PTPRD: variants seen among roughly 807,000 people sequenced by gnomAD.
The protein encoded by PTPRD is protein tyrosine phosphatase receptor type D.
PTPRD carries 34 observed loss-of-function variants against 214.5 expected under a neutral mutation model. That is an observed-to-expected ratio of 0.16 (90% CI 0.12 to 0.21). The LOEUF is 0.21. PTPRD is among the 10% of genes least tolerant of loss of function. PTPRD has a pLI of 1.00. For missense variants in PTPRD, 2,545 were observed against 2,398.7 expected (o/e 1.06, Z -1.27); for synonymous variants, 1,128 against 845.7 (o/e 1.33, Z -5.79).
intron 2 of PTPRD, among the ~76,000 whole-genome samples, chr9:10,460,298 C>T (rs73390371): frequency 0.022 from 3,335 of 151,968 alleles, 103 homozygotes; most frequent in African/African-American, 0.068. Context: ...AAAATGTTAA[C>T]ACTACATAAA....
rs534154105 is a variant in PTPRD at position 9,668,596 on chromosome 9, T to C, written c.-287+65937A>G. On this transcript the variant is annotated intron_variant, in intron 7 of 45. Coordinates refer to ENST00000381196, the MANE Select transcript of PTPRD (RefSeq NM_002839.4). ...AACTTCTTTGCTCATAATAGATTTGTTCATTCAGCATAAAGAGAAATTCAG... is the reference window on the plus strand; with the variant it reads ...AACTTCTTTGCTCATAATAGATTTGCTCATTCAGCATAAAGAGAAATTCAG... 2.7e-3 allele frequency among the ~76,000 whole-genome samples: 409 copies of C among 152,340 alleles called. 2 individuals are homozygous for C. The highest frequency in any genetic ancestry group is 8.8e-3 in the African/African-American group (365 of 41,588).
intron 5 of PTPRD, among the ~76,000 whole-genome samples, chr9:9,830,904 G>A (rs1241296352): frequency 1.3e-5 from 2 of 151,594 alleles, no homozygotes; most frequent in African/African-American, 4.8e-5. Flanking sequence ...AATCAAAATT[G>A]TCCAACGTAA....
chr9:9,089,655 G>C (rs896534767), intron 10 of PTPRD, among the ~76,000 whole-genome samples: 1 of 152,030 alleles, frequency 6.6e-6, no homozygotes, highest in African/African-American at 2.4e-5. Context: ...TGCCTATTTA[G>C]GTTCTCCTCT....
chr9:9,070,282 C>A (rs545269600), intron 10 of PTPRD, among the ~76,000 whole-genome samples: 4 of 152,158 alleles, frequency 2.6e-5, no homozygotes, highest in African/African-American at 7.2e-5. Context: ...TTTCACAAAG[C>A]CAGTTTTACA....
chr9:10,001,397 C>T (rs1012859853), intron 4 of PTPRD, among the ~76,000 whole-genome samples: 4 of 152,100 alleles, frequency 2.6e-5, no homozygotes, highest in Non-Finnish European at 5.9e-5. Context: ...AGAAGACAAT[C>T]TGTATATCCA....
chr9:9,604,119 G>C (rs1488857046), intron 7 of PTPRD, among the ~76,000 whole-genome samples: 1 of 151,782 alleles, frequency 6.6e-6, no homozygotes, highest in Admixed American at 6.6e-5. Context: ...TAACAGCTAA[G>C]TTTTGGAGAG....
At chr9:9,971,815 T>C (rs900575509) in intron 4 of PTPRD, among the ~76,000 whole-genome samples, 1 of 152,120 alleles carries the variant, frequency 6.6e-6, no homozygotes, top group South Asian at 2.1e-4. Flanking sequence ...TGTACTTAAA[T>C]TTTAAACTGT....
intron 7 of PTPRD, among the ~76,000 whole-genome samples, chr9:9,660,751 TGC>T (rs770635185): frequency 1.3e-5 from 2 of 152,014 alleles, no homozygotes; most frequent in Non-Finnish European, 2.9e-5. Context: ...TGATTTCCTT[TGC>T]CTTTATTCCA....
chr9:9,616,819 T>G (rs1368722227), intron 7 of PTPRD, among the ~76,000 whole-genome samples: 1 of 152,194 alleles, frequency 6.6e-6, no homozygotes, highest in African/African-American at 2.4e-5. Context: ...CACTATAATT[T>G]TTTTAAAATT....
intron 9 of PTPRD, among the ~76,000 whole-genome samples, chr9:9,394,463 T>C (rs1019216970): frequency 3.3e-5 from 5 of 152,190 alleles, no homozygotes; most frequent in Non-Finnish European, 7.3e-5. Flanking sequence ...ATGTATTGTG[T>C]AGCCAGAATA....
At chr9:8,458,595 T>G (rs371770274) in intron 33 of PTPRD, among the ~76,000 whole-genome samples, 59 of 152,250 alleles carry the variant, frequency 3.9e-4, no homozygotes, top group East Asian at 2.9e-3. Flanking sequence ...TATTATTGAA[T>G]TCTCTTCTGG....
chr9:10,419,318 GCA>G (rs1172728631), intron 2 of PTPRD, among the ~76,000 whole-genome samples: 13 of 151,794 alleles, frequency 8.6e-5, no homozygotes, highest in African/African-American at 3.1e-4. Flanking sequence ...TTTGTTTCTA[GCA>G]CACTGGTCGC....
chr9:8,940,078 AG>A (rs2099021828), intron 11 of PTPRD, among the ~76,000 whole-genome samples: 1 of 147,138 alleles, frequency 6.8e-6, no homozygotes, highest in Non-Finnish European at 1.5e-5. Context: ...AAAAAAAAAA[AG>A]AAGACTTACA....
At chr9:9,479,966 G>A (rs899463805) in intron 8 of PTPRD, among the ~76,000 whole-genome samples, 2 of 152,116 alleles carry the variant, frequency 1.3e-5, no homozygotes, top group Non-Finnish European at 2.9e-5. Flanking sequence ...AGACTGTCAT[G>A]CCATGGACTG....
intron 4 of PTPRD, among the ~76,000 whole-genome samples, chr9:10,016,363 A>AGAT (rs2096713356): frequency 1.0e-5 from 1 of 96,496 alleles, no homozygotes. Context: ...AAGATTAGAT[A>AGAT]GATAGATAGA....
intron 7 of PTPRD, among the ~76,000 whole-genome samples, chr9:9,689,992 A>G (rs2097238856): frequency 2.0e-5 from 3 of 151,720 alleles, no homozygotes; most frequent in Admixed American, 2.0e-4. Context: ...TTTCTTTTGG[A>G]TGTATATCCA....
At chr9:10,333,369 A>G (rs997941594) in intron 3 of PTPRD, among the ~76,000 whole-genome samples, 5 of 151,764 alleles carry the variant, frequency 3.3e-5, no homozygotes, top group African/African-American at 1.2e-4. Flanking sequence ...GAAGACATCA[A>G]AGTAGCTGTA....
intron 12 of PTPRD, among the ~76,000 whole-genome samples, chr9:8,673,027 C>G (rs2097319645): frequency 6.6e-6 from 1 of 151,970 alleles, no homozygotes; most frequent in Non-Finnish European, 1.5e-5. Context: ...GCTTATCAAA[C>G]CTGCAAAACT....
chr9:9,060,574 T>C (rs1386210394), intron 10 of PTPRD, among the ~76,000 whole-genome samples: 1 of 151,998 alleles, frequency 6.6e-6, no homozygotes, highest in Non-Finnish European at 1.5e-5. Flanking sequence ...AGAGGAAAGA[T>C]ACAGACTAAG....
Sources: allele counts gnomAD v4.1 joint callset (sites outside exome capture counted in the v4.1 genomes callset), GRCh38; gene constraint gnomAD v4.1.1; transcripts MANE v1.5; gene names NCBI Gene and HGNC (gene_info 2026-07-23, HGNC 2026-07-21).